The following FRMD6 variants were observed in gnomAD, a reference collection of about 807,000 sequenced individuals.
The protein encoded by FRMD6 is FERM domain-containing protein 6.
In FRMD6, 37 loss-of-function variants were observed where a neutral mutation model predicts 73.2. The ratio of observed to expected loss-of-function variants is 0.51; its 90% CI spans 0.39 to 0.66. The LOEUF (loss-of-function observed/expected upper bound fraction) is 0.66, where lower values mean the gene tolerates loss of function less well. FRMD6 is among the 30% of genes least tolerant of loss of function. The pLI is 0.00. For synonymous variants in FRMD6, 273 were observed against 282.2 expected (o/e 0.97, Z 0.33); for missense variants, 714 against 780.5 (o/e 0.91, Z 1.02).
At chr14:51,566,342 A>G (rs10484088) in intron 1 of FRMD6, among the ~76,000 whole-genome samples, 26,980 of 152,180 alleles carry the variant, frequency 0.18, 2,605 homozygotes, top group Middle Eastern at 0.29. Flanking sequence ...TAAAGAATCG[A>G]TTGTCCAGAG....
At position 51,729,972 on chromosome 14, in the gene FRMD6, G is replaced by A. The variant is rs1411624965; in HGVS notation, c.*1943G>A. ...TGCATAAGAGGATTAAAGTATGAAA[G>A]GATCATTTAATGACTGTTTTACTTA... On this transcript the variant is annotated 3_prime_UTR_variant, in exon 14 of 14. Transcript: ENST00000344768. 2 of 152,580 alleles carry A rather than the reference G, an allele frequency of 1.3e-5. No individual in the cohort carries two copies. Among genetic ancestry groups the A allele is most frequent in the Admixed American group, 6.5e-5 (1 of 15,268 alleles). The allele number at this position is 152,580 out of a possible 1,614,324, so 9.5% of individuals were successfully genotyped here.
At chr14:51,695,138 T>C (rs991419972) in intron 2 of FRMD6, among the ~76,000 whole-genome samples, 2 of 148,616 alleles carry the variant, frequency 1.3e-5, no homozygotes, top group Non-Finnish European at 1.5e-5. Flanking sequence ...TAACTTCTTA[T>C]GGCATTTTAT....
chr14:51,647,881 A>C (rs560647961), upstream of FRMD6, among the ~76,000 whole-genome samples: 1 of 152,236 alleles, frequency 6.6e-6, no homozygotes, highest in East Asian at 1.9e-4. Flanking sequence ...GCTGGAGTGC[A>C]ATGGCGCGAT....
rs540764445 is a variant in FRMD6 at position 51,686,492 on chromosome 14, T to C, written c.-146-3199T>C. Among the ~76,000 whole-genome samples, 6 of 152,312 alleles carry C rather than the reference T, an allele frequency of 3.9e-5. No homozygotes were observed. The South Asian group carries it at 1.2e-3, about 32-fold the overall frequency. ...TGGGACTTATCAGGAAATAAGGAGCTTATAATAATGTGCACTTAAAGTTCC... is the reference window on the plus strand; with the variant it reads ...TGGGACTTATCAGGAAATAAGGAGCCTATAATAATGTGCACTTAAAGTTCC... On this transcript the variant is annotated intron_variant, in intron 1 of 13. Coordinates refer to ENST00000344768, the MANE Select transcript of FRMD6 (RefSeq NM_001267046.2).
intron 1 of FRMD6, among the ~76,000 whole-genome samples, chr14:51,500,503 T>A (rs1042999781): frequency 6.6e-6 from 1 of 150,526 alleles, no homozygotes; most frequent in African/African-American, 2.4e-5. Context: ...TGGGCGACAC[T>A]GCACTCCAGC....
At chr14:51,488,868 G>A (rs1596484318), upstream of FRMD6, among the ~76,000 whole-genome samples, 2 of 152,184 alleles carry the variant, frequency 1.3e-5, no homozygotes. Context: ...AGCTCACACC[G>A]GCCTCTGCTT....
chr14:51,556,652 C>T (rs1356356974), intron 1 of FRMD6, among the ~76,000 whole-genome samples: 3 of 152,136 alleles, frequency 2.0e-5, no homozygotes, highest in Non-Finnish European at 2.9e-5. Flanking sequence ...GAGATTTAGT[C>T]CGTTATTATG....
chr14:51,624,127 A>C (rs1291840016), intron 2 of FRMD6, among the ~76,000 whole-genome samples: 2 of 152,022 alleles, frequency 1.3e-5, no homozygotes, highest in African/African-American at 4.8e-5. Flanking sequence ...CACGGGGAAC[A>C]ACACACTGGG....
At position 51,721,976 on chromosome 14, in the gene FRMD6, G is replaced by A. The variant is rs762579000; in HGVS notation, c.1388G>A (p.Arg463Gln). ...ATAGAGATGTTGGTTGATGACCCCCGGGATCTGGAGCAGATGAATGAAGAG... is the reference window on the plus strand; with the variant it reads ...ATAGAGATGTTGGTTGATGACCCCCAGGATCTGGAGCAGATGAATGAAGAG... Reference protein sequence around the residue: ...DEIEMLVDDPRDLEQMNEESL... With the variant: ...DEIEMLVDDPQDLEQMNEESL... The change falls in exon 12 of 14, where the codon CGG becomes CAG. Residue 463 changes from arginine to glutamine, a missense_variant. Transcript: ENST00000344768. The A allele has an allele frequency of 3.3e-5, 53 of 1,613,910 alleles. No homozygotes were observed. Among genetic ancestry groups the A allele is most frequent in the Admixed American group, 5.0e-5 (3 of 60,002 alleles).
At chr14:51,483,171 T>C in the FRMD6 span, among the ~76,000 whole-genome samples, 1 of 152,230 alleles carries the variant, frequency 6.6e-6, no homozygotes, top group African/African-American at 2.4e-5. Context: ...TCTTCAGAGA[T>C]TTTTGATTGA....
chr14:51,572,727 A>T (rs915492395), intron 2 of FRMD6, among the ~76,000 whole-genome samples: 7 of 152,228 alleles, frequency 4.6e-5, no homozygotes, highest in African/African-American at 1.2e-4. Flanking sequence ...GACTTATTAA[A>T]AACGAATGCC....
Position 51,689,849 on chromosome 14 carries a change from A to G in FRMD6, c.13A>G (p.Asn5Asp). 2 of 1,611,470 alleles carry G rather than the reference A, an allele frequency of 1.2e-6. No individual in the cohort carries two copies. The highest frequency in any genetic ancestry group is 1.7e-6 in the Non-Finnish European group (2 of 1,178,422). ...TGCCCAAAACACAATGAACAAATTG[A>G]ATTTTCATAACAACAGAGTCATGCA... MNKL[N>D]FHNNRVMQDR... Residue 5 changes from asparagine to aspartate, a missense_variant, in exon 2 of 14, where the codon AAT (asparagine) becomes GAT (aspartate). Coordinates refer to ENST00000344768, the MANE Select transcript of FRMD6 (RefSeq NM_001267046.2).
chr14:51,467,940 G>A, the FRMD6 span, among the ~76,000 whole-genome samples: 3 of 152,084 alleles, frequency 2.0e-5, no homozygotes, highest in Admixed American at 6.5e-5. Flanking sequence ...CAAGGCAGGC[G>A]GCTGGGAGGT....
chr14:51,437,587 C>A, the FRMD6 span, among the ~76,000 whole-genome samples: 1 of 152,230 alleles, frequency 6.6e-6, no homozygotes, highest in Admixed American at 6.5e-5. Flanking sequence ...CAGGCGTGAG[C>A]CACCGCTCCC....
At chr14:51,411,353 C>T in the FRMD6 span, among the ~76,000 whole-genome samples, 2 of 152,060 alleles carry the variant, frequency 1.3e-5, no homozygotes, top group African/African-American at 4.8e-5. Context: ...ACCAAAAAAG[C>T]AGAAACTGGG....
chr14:51,653,922 G>A (rs1002246494), intron 1 of FRMD6, among the ~76,000 whole-genome samples: 3 of 152,130 alleles, frequency 2.0e-5, no homozygotes, highest in Non-Finnish European at 4.4e-5. Flanking sequence ...TTATCTGCAG[G>A]ACATCTTCTC....
intron 1 of FRMD6, among the ~76,000 whole-genome samples, chr14:51,542,977 G>A (rs893820177): frequency 1.3e-5 from 2 of 151,936 alleles, no homozygotes; most frequent in Non-Finnish European, 2.9e-5. Context: ...TTGACTTTTT[G>A]TTGTTGGGAT....
chr14:51,576,578 C>T (rs1446074124), intron 2 of FRMD6, among the ~76,000 whole-genome samples: 1 of 152,126 alleles, frequency 6.6e-6, no homozygotes, highest in Admixed American at 6.5e-5. Context: ...CTTTTGGTCC[C>T]CCATGAGTGG....
chr14:51,656,773 T>C (rs909892057), intron 1 of FRMD6, among the ~76,000 whole-genome samples: 1 of 152,174 alleles, frequency 6.6e-6, no homozygotes, highest in Non-Finnish European at 1.5e-5. Flanking sequence ...CAGAGTTAAA[T>C]TGATATATCA....
Sources: allele counts gnomAD v4.1 joint callset (sites outside exome capture counted in the v4.1 genomes callset), GRCh38; gene constraint gnomAD v4.1.1; transcripts MANE v1.5; gene names NCBI Gene and HGNC (gene_info 2026-07-23, HGNC 2026-07-21).